MACROD2: variants seen among roughly 807,000 people sequenced by gnomAD.
MACROD2 encodes the protein mono-ADP ribosylhydrolase 2.
In MACROD2, 36 loss-of-function variants were observed where a neutral mutation model predicts 70.4. The ratio of observed to expected loss-of-function variants is 0.51; its 90% CI spans 0.39 to 0.68. The LOEUF (loss-of-function observed/expected upper bound fraction) is 0.68, where lower values mean the gene tolerates loss of function less well. Ranked by LOEUF, MACROD2 falls within the 30% of genes least tolerant of loss-of-function variation. The pLI is 0.00. For synonymous variants in MACROD2, 172 were observed against 178.8 expected, an observed-to-expected ratio of 0.96 and a Z score of 0.30; for missense variants, 496 against 538.4, an observed-to-expected ratio of 0.92 and a Z score of 0.78.
At chr20:14,366,660 C>T (rs137904642) in intron 3 of MACROD2, among the ~76,000 whole-genome samples, 233 of 152,204 alleles carry the variant, frequency 1.5e-3, no homozygotes, top group African/African-American at 5.2e-3. Flanking sequence ...CCACCACACC[C>T]GGCCAACAAT....
At chr20:14,163,442 G>A (rs1249846891) in intron 3 of MACROD2, among the ~76,000 whole-genome samples, 1 of 152,022 alleles carries the variant, frequency 6.6e-6, no homozygotes, top group East Asian at 1.9e-4. Context: ...TCCCTTTTGA[G>A]TTGTATCTGT....
intron 5 of MACROD2, among the ~76,000 whole-genome samples, chr20:14,985,018 C>T (rs1044263873): frequency 6.6e-6 from 1 of 152,152 alleles, no homozygotes; most frequent in South Asian, 2.1e-4. Context: ...TGTGACCTTA[C>T]GTACTTCACA....
chr20:14,054,246 G>A (rs936462510), intron 2 of MACROD2, among the ~76,000 whole-genome samples: 1 of 151,504 alleles, frequency 6.6e-6, no homozygotes, highest in Admixed American at 6.6e-5. Flanking sequence ...GGAGAATACT[G>A]GGGAAACTTG....
chr20:14,023,581 G>C (rs6079258), intron 2 of MACROD2, among the ~76,000 whole-genome samples: 1 of 152,162 alleles, frequency 6.6e-6, no homozygotes, highest in Non-Finnish European at 1.5e-5. Flanking sequence ...TTCTGTATAA[G>C]GTGTAAGGAA....
At chr20:14,524,175 T>C (rs556944724) in intron 4 of MACROD2, among the ~76,000 whole-genome samples, 1 of 152,344 alleles carries the variant, frequency 6.6e-6, no homozygotes, top group South Asian at 2.1e-4. Flanking sequence ...CCAGGACCTG[T>C]AGTCACTCTG....
At chr20:14,484,496 A>AT (rs2084699194) in intron 3 of MACROD2, among the ~76,000 whole-genome samples, 1 of 152,158 alleles carries the variant, frequency 6.6e-6, no homozygotes, top group African/African-American at 2.4e-5. Flanking sequence ...ATTATTTACT[A>AT]TAGTCACCCT....
intron 12 of MACROD2, among the ~76,000 whole-genome samples, chr20:15,949,269 G>C (rs1294824646): frequency 6.6e-6 from 1 of 152,168 alleles, no homozygotes; most frequent in South Asian, 2.1e-4. Context: ...TAAACTTTGA[G>C]TTGGCAGCAT....
At chr20:14,762,665 C>T (rs1010343187) in intron 5 of MACROD2, among the ~76,000 whole-genome samples, 12 of 152,076 alleles carry the variant, frequency 7.9e-5, no homozygotes, top group African/African-American at 2.9e-4. Context: ...TGCAGTGGCT[C>T]ATGCCTGTAA....
intron 3 of MACROD2, among the ~76,000 whole-genome samples, chr20:14,345,326 T>C (rs921625375): frequency 6.6e-6 from 1 of 152,170 alleles, no homozygotes; most frequent in Non-Finnish European, 1.5e-5. Context: ...CTGAGAGAAG[T>C]TAGAGACAAT....
intron 15 of MACROD2, among the ~76,000 whole-genome samples, chr20:16,036,285 C>CT (rs545013968): frequency 1.4e-5 from 1 of 70,984 alleles, no homozygotes; most frequent in East Asian, 4.0e-4. Context: ...GGACTCCTCC[C>CT]CCGGCCAGCA....
chr20:14,477,775 A>G (rs1338412815), intron 3 of MACROD2, among the ~76,000 whole-genome samples: 1 of 152,178 alleles, frequency 6.6e-6, no homozygotes, highest in Non-Finnish European at 1.5e-5. Context: ...TTAGAATTGT[A>G]ATTTAAAGCA....
intron 5 of MACROD2, among the ~76,000 whole-genome samples, chr20:14,798,201 C>A (rs937798438): frequency 6.6e-6 from 1 of 151,926 alleles, no homozygotes; most frequent in Non-Finnish European, 1.5e-5. Flanking sequence ...CACTCATAAA[C>A]CTGATTTCAT....
At chr20:15,361,995 G>T (rs1378273010) in intron 6 of MACROD2, among the ~76,000 whole-genome samples, 1 of 149,036 alleles carries the variant, frequency 6.7e-6, no homozygotes, top group East Asian at 2.0e-4. Context: ...AATAAGGACA[G>T]TCTTATTTCT....
At chr20:15,008,579 C>T (rs992076261) in intron 5 of MACROD2, among the ~76,000 whole-genome samples, 2 of 152,084 alleles carry the variant, frequency 1.3e-5, no homozygotes, top group Non-Finnish European at 2.9e-5. Flanking sequence ...GATGGATGCA[C>T]ACGCAGATAA....
intron 8 of MACROD2, among the ~76,000 whole-genome samples, chr20:15,772,099 AAAATATATATATAT>A (rs1266014883): frequency 1.1e-5 from 1 of 91,306 alleles, no homozygotes; most frequent in African/African-American, 5.6e-5. Flanking sequence ...AAAAAAAAAA[AAAATATATATATAT>A]ATATATATAT....
chr20:15,357,465 G>A (rs1233621371), intron 6 of MACROD2, among the ~76,000 whole-genome samples: 1 of 151,826 alleles, frequency 6.6e-6, no homozygotes, highest in East Asian at 1.9e-4. Flanking sequence ...TATTGTGGCA[G>A]GTACACAATT....
chr20:15,935,606 G>C (rs2065647106), intron 11 of MACROD2, among the ~76,000 whole-genome samples: 1 of 152,122 alleles, frequency 6.6e-6, no homozygotes, highest in Non-Finnish European at 1.5e-5. Flanking sequence ...TTAAAACACT[G>C]TAATCCAGCA....
At chr20:14,245,738 G>A (rs886784079) in intron 3 of MACROD2, among the ~76,000 whole-genome samples, 12 of 152,176 alleles carry the variant, frequency 7.9e-5, no homozygotes, top group Non-Finnish European at 1.5e-4. Context: ...AACACTAAAG[G>A]AGAGAGTGGG....
In MACROD2 at chr20:15,399,678, T is replaced by G. The variant is rs1364286225; in HGVS notation, c.541-31727T>G. On this transcript the variant is annotated intron_variant, in intron 6 of 17. Transcript: ENST00000684519. ...AGCATTTTAAGTGAAAGAAAGAGTA[T>G]TAGTAGTCTGAGTGGTTGTTTTAAA... 2.0e-5 allele frequency among the ~76,000 whole-genome samples: 3 copies of G among 152,346 alleles called. No homozygotes were observed. The South Asian group carries it at 6.2e-4, about 32-fold the overall frequency.
Sources: allele counts gnomAD v4.1 joint callset (sites outside exome capture counted in the v4.1 genomes callset), GRCh38; gene constraint gnomAD v4.1.1; transcripts MANE v1.5; gene names NCBI Gene and HGNC (gene_info 2026-07-23, HGNC 2026-07-21).